ST6GALNAC3: variants seen among roughly 807,000 people sequenced by gnomAD.
The protein encoded by ST6GALNAC3 is ST6 N-acetylgalactosaminide alpha-2,6-sialyltransferase 3.
In ST6GALNAC3, 25 loss-of-function variants were observed where a neutral mutation model predicts 32.7. That is an observed-to-expected ratio of 0.76 (90% CI 0.56 to 1.07). The LOEUF is 1.07. Among genes scored for constraint, ST6GALNAC3 ranks in the 50% least tolerant of loss-of-function variants. The pLI is 0.00. For missense variants in ST6GALNAC3, 355 were observed against 382.4 expected, an observed-to-expected ratio of 0.93 and a Z score of 0.60; for synonymous variants, 129 against 133.1, an observed-to-expected ratio of 0.97 and a Z score of 0.21.
chr1:76,211,790 TG>T (rs756879956), intron 1 of ST6GALNAC3, among the ~76,000 whole-genome samples: 190 of 148,184 alleles, frequency 1.3e-3, no homozygotes, highest in Non-Finnish European at 2.5e-3. Context: ...TGTTGTGGGG[TG>T]GGGGGAGCGG....
intron 1 of ST6GALNAC3, among the ~76,000 whole-genome samples, chr1:76,272,506 G>C (rs1273637652): frequency 6.6e-6 from 1 of 152,002 alleles, no homozygotes; most frequent in Non-Finnish European, 1.5e-5. Flanking sequence ...AATCAGAATC[G>C]AAGCCTCAGG....
intron 1 of ST6GALNAC3, among the ~76,000 whole-genome samples, chr1:76,200,166 A>T (rs481510): frequency 0.83 from 126,208 of 152,214 alleles, 52,899 homozygotes; most frequent in East Asian, 1. Context: ...ATGGTTGGGC[A>T]TCTATTCCAA....
At chr1:76,530,952 A>T (rs1430052459) in intron 3 of ST6GALNAC3, among the ~76,000 whole-genome samples, 1 of 152,228 alleles carries the variant, frequency 6.6e-6, no homozygotes, top group Non-Finnish European at 1.5e-5. Flanking sequence ...AATTGTGGCT[A>T]TCCTCGTAGC....
intron 3 of ST6GALNAC3, among the ~76,000 whole-genome samples, chr1:76,471,432 T>A (rs907331291): frequency 6.6e-6 from 1 of 152,160 alleles, no homozygotes. Context: ...ATCAGTGTTC[T>A]TGGTGCTCTT....
At position 76,232,192 on chromosome 1, in the gene ST6GALNAC3, C is replaced by T. The variant is rs572770794; in HGVS notation, c.19-81613C>T. Among the ~76,000 whole-genome samples, 3 of 152,302 alleles carry T rather than the reference C, an allele frequency of 2.0e-5. No individual in the cohort carries two copies. In the South Asian group the frequency reaches 6.2e-4, roughly 32 times the overall value. On this transcript the variant is annotated intron_variant, in intron 1 of 4. Transcript: ENST00000328299. Reference sequence around the variant, plus strand: ...GTGGTTGACGCTGGACAGAAAGAAACATCAGTAACCAACAATATTGAAAAG... The same window carrying T: ...GTGGTTGACGCTGGACAGAAAGAAATATCAGTAACCAACAATATTGAAAAG...
intron 1 of ST6GALNAC3, among the ~76,000 whole-genome samples, chr1:76,094,880 C>T (rs933459441): frequency 3.3e-5 from 5 of 151,942 alleles, no homozygotes; most frequent in African/African-American, 9.7e-5. Context: ...ACCCCCACCC[C>T]CCACCGTTCC....
Position 76,155,362 on chromosome 1 carries a change from G to A in ST6GALNAC3, c.18+80478G>A, listed in dbSNP as rs527700389. Among the ~76,000 whole-genome samples the A allele has an allele frequency of 1.5e-4, 23 of 152,316 alleles. No homozygotes were observed. In the East Asian group the frequency reaches 4.4e-3, roughly 29 times the overall value. On this transcript the variant is annotated intron_variant, in intron 1 of 4. Transcript: ENST00000328299. ...TATTATAGAGAATTACTATGTGCCA[G>A]GCATGGGTAATTTTTGGTTGTTTTA...
intron 3 of ST6GALNAC3, among the ~76,000 whole-genome samples, chr1:76,599,912 A>T (rs1400585871): frequency 6.6e-6 from 1 of 152,192 alleles, no homozygotes; most frequent in East Asian, 1.9e-4. Flanking sequence ...TGTTCTCTGC[A>T]GCTGGGAAAC....
chr1:76,158,382 G>A (rs111356271), intron 1 of ST6GALNAC3, among the ~76,000 whole-genome samples: 115 of 152,252 alleles, frequency 7.6e-4, no homozygotes, highest in Middle Eastern at 3.4e-3. Flanking sequence ...CTAGCCTAGC[G>A]ATTTGAAACC....
chr1:76,142,036 T>C (rs958469689), intron 1 of ST6GALNAC3, among the ~76,000 whole-genome samples: 1 of 152,170 alleles, frequency 6.6e-6, no homozygotes, highest in East Asian at 1.9e-4. Flanking sequence ...TAGTGGAGGA[T>C]TCTTTAGAGA....
At chr1:76,421,660 C>T (rs1655035683) in intron 3 of ST6GALNAC3, among the ~76,000 whole-genome samples, 1 of 151,994 alleles carries the variant, frequency 6.6e-6, no homozygotes, top group South Asian at 2.1e-4. Flanking sequence ...ATATTTTCTT[C>T]TTTGGTAACA....
chr1:76,199,995 A>G (rs1654430497), intron 1 of ST6GALNAC3, among the ~76,000 whole-genome samples: 1 of 152,200 alleles, frequency 6.6e-6, no homozygotes, highest in African/African-American at 2.4e-5. Context: ...TTGTGTATTC[A>G]AATGGAAAAA....
intron 2 of ST6GALNAC3, among the ~76,000 whole-genome samples, chr1:76,410,935 C>A (rs1043636589): frequency 1.3e-5 from 2 of 151,964 alleles, no homozygotes; most frequent in African/African-American, 4.8e-5. Context: ...AAGTCCAACA[C>A]AATACATAAA....
At chr1:76,142,178 A>C (rs1428132780) in intron 1 of ST6GALNAC3, among the ~76,000 whole-genome samples, 4 of 152,128 alleles carry the variant, frequency 2.6e-5, no homozygotes, top group African/African-American at 9.7e-5. Context: ...GGGGTGGAGA[A>C]ATTCCATCTT....
chr1:76,100,255 G>A (rs1647196555), intron 1 of ST6GALNAC3, among the ~76,000 whole-genome samples: 1 of 151,804 alleles, frequency 6.6e-6, no homozygotes, highest in Non-Finnish European at 1.5e-5. Context: ...TGATTGTACT[G>A]ACTCCAAAAA....
intron 3 of ST6GALNAC3, among the ~76,000 whole-genome samples, chr1:76,467,389 C>T (rs1365052620): frequency 6.6e-6 from 1 of 151,938 alleles, no homozygotes; most frequent in Non-Finnish European, 1.5e-5. Flanking sequence ...TGATCCATCC[C>T]TGCTATGCTT....
At chr1:76,396,759 A>C (rs1329911318) in intron 2 of ST6GALNAC3, among the ~76,000 whole-genome samples, 1 of 152,222 alleles carries the variant, frequency 6.6e-6, no homozygotes, top group African/African-American at 2.4e-5. Flanking sequence ...TCTGTTGGGA[A>C]GATACTAAGA....
intron 1 of ST6GALNAC3, among the ~76,000 whole-genome samples, chr1:76,162,780 C>T (rs1651890735): frequency 6.6e-6 from 1 of 152,230 alleles, no homozygotes; most frequent in African/African-American, 2.4e-5. Flanking sequence ...GCCAGGTGAG[C>T]AGTTAGCAAG....
At chr1:76,461,416 C>T (rs1361074070) in intron 3 of ST6GALNAC3, among the ~76,000 whole-genome samples, 3 of 152,178 alleles carry the variant, frequency 2.0e-5, no homozygotes, top group African/African-American at 7.2e-5. Context: ...GCCTCAAAAG[C>T]ATAAAATTAT....
Sources: allele counts gnomAD v4.1 joint callset (sites outside exome capture counted in the v4.1 genomes callset), GRCh38; gene constraint gnomAD v4.1.1; transcripts MANE v1.5; gene names NCBI Gene and HGNC (gene_info 2026-07-23, HGNC 2026-07-21).